Variants in SMAD3 observed in about 807,000 individuals in gnomAD.
SMAD3 encodes the protein SMAD family member 3.
In SMAD3, 12 loss-of-function variants were observed where a neutral mutation model predicts 51.8. The ratio of observed to expected loss-of-function variants is 0.23; its 90% confidence interval spans 0.15 to 0.38. SMAD3 has a LOEUF of 0.38. SMAD3 is among the 10% of genes least tolerant of loss of function. The pLI is 1.00. For synonymous variants in SMAD3, 238 were observed against 227.7 expected, an observed-to-expected ratio of 1.05 and a Z score of -0.41; for missense variants, 294 against 565.6, an observed-to-expected ratio of 0.52 and a Z score of 4.87.
At chr15:67,080,789 C>T (rs543009978) in intron 1 of SMAD3, among the ~76,000 whole-genome samples, 1 of 152,360 alleles carries the variant, frequency 6.6e-6, no homozygotes, top group South Asian at 2.1e-4. Context: ...CCGAATAACC[C>T]CTCCCTGCCA....
chr15:67,182,339 T>C (rs1963082811), intron 6 of SMAD3, among the ~76,000 whole-genome samples: 1 of 152,230 alleles, frequency 6.6e-6, no homozygotes, highest in Non-Finnish European at 1.5e-5. Flanking sequence ...TCACTTGGTT[T>C]GCTTATGAAG....
chr15:67,121,285 C>T (rs1451622398), intron 1 of SMAD3, among the ~76,000 whole-genome samples: 2 of 152,208 alleles, frequency 1.3e-5, no homozygotes, highest in African/African-American at 2.4e-5. Context: ...TGGGCTGTGA[C>T]GCAGGCTGGC....
At chr15:67,149,850 G>A (rs1282019562) in intron 1 of SMAD3, among the ~76,000 whole-genome samples, 1 of 152,166 alleles carries the variant, frequency 6.6e-6, no homozygotes, top group Non-Finnish European at 1.5e-5. Flanking sequence ...TGGAACGTTA[G>A]CAATTGCTGT....
chr15:67,098,049 G>T (rs1368291235), intron 1 of SMAD3, among the ~76,000 whole-genome samples: 1 of 152,174 alleles, frequency 6.6e-6, no homozygotes, highest in Non-Finnish European at 1.5e-5. Flanking sequence ...CTGTCAAATG[G>T]AGCATTCGTG....
At chr15:67,069,178 T>G (rs780623196) in intron 1 of SMAD3, among the ~76,000 whole-genome samples, 9 of 152,188 alleles carry the variant, frequency 5.9e-5, no homozygotes, top group Non-Finnish European at 8.8e-5. Context: ...TCTGACTTGT[T>G]TCAATTATCA....
intron 1 of SMAD3, among the ~76,000 whole-genome samples, chr15:67,094,281 G>A (rs1307160709): frequency 6.6e-6 from 1 of 152,234 alleles, no homozygotes; most frequent in African/African-American, 2.4e-5. Context: ...GGGAGGCGAA[G>A]CTTCTGGGAC....
chr15:67,106,956 T>G (rs1960892416), intron 1 of SMAD3, among the ~76,000 whole-genome samples: 1 of 152,124 alleles, frequency 6.6e-6, no homozygotes, highest in Non-Finnish European at 1.5e-5. Flanking sequence ...GGTTTAAAAC[T>G]CTGGTAGCTT....
At chr15:67,098,310 A>G (rs899044655) in intron 1 of SMAD3, among the ~76,000 whole-genome samples, 10 of 144,658 alleles carry the variant, frequency 6.9e-5, no homozygotes, top group African/African-American at 1.0e-4. Context: ...AAGACAGATT[A>G]AAAAAGAAGG....
intron 1 of SMAD3, among the ~76,000 whole-genome samples, chr15:67,085,901 T>C (rs2118614): frequency 0.17 from 4,974 of 28,454 alleles, 292 homozygotes; most frequent in African/African-American, 0.36. Context: ...CACACACACA[T>C]ACACAGAGAA....
intron 7 of SMAD3, among the ~76,000 whole-genome samples, chr15:67,186,077 T>A (rs938117321): frequency 2.0e-5 from 3 of 152,258 alleles, no homozygotes; most frequent in Admixed American, 2.0e-4. Flanking sequence ...CCTCACCAGT[T>A]ATTCTCTGGC....
At chr15:67,175,287 A>G (rs1962859660) in intron 5 of SMAD3, among the ~76,000 whole-genome samples, 1 of 152,164 alleles carries the variant, frequency 6.6e-6, no homozygotes, top group East Asian at 1.9e-4. Context: ...AAAGGAGGTG[A>G]TGGCTTCCAG....
chr15:67,186,223 T>C (rs1446669762), intron 7 of SMAD3, among the ~76,000 whole-genome samples: 1 of 152,232 alleles, frequency 6.6e-6, no homozygotes, highest in Non-Finnish European at 1.5e-5. Flanking sequence ...GCTCTTCTGC[T>C]TCTTGGCTCT....
At chr15:67,133,471 T>C (rs1961579995) in intron 1 of SMAD3, among the ~76,000 whole-genome samples, 1 of 151,960 alleles carries the variant, frequency 6.6e-6, no homozygotes, top group Non-Finnish European at 1.5e-5. Context: ...CTAAAAACAA[T>C]GAGAAGGCAA....
chr15:67,164,674 C>T (rs888489743), intron 1 of SMAD3, among the ~76,000 whole-genome samples: 4 of 152,200 alleles, frequency 2.6e-5, no homozygotes, highest in East Asian at 1.9e-4. Context: ...GGGTGAGGCC[C>T]GCTCTGCCAG....
At chr15:67,160,770 C>CAAAAAAAAAAAAAAAAAAAAA (rs547354315) in intron 1 of SMAD3, among the ~76,000 whole-genome samples, 2 of 61,002 alleles carry the variant, frequency 3.3e-5, no homozygotes, top group Non-Finnish European at 2.7e-5. Context: ...GACTCCATCT[C>CAAAAAAAAAAAAAAAAAAAAA]AAAAAAAAAA....
chr15:67,097,110 T>C (rs1168832531), intron 1 of SMAD3, among the ~76,000 whole-genome samples: 2 of 152,238 alleles, frequency 1.3e-5, no homozygotes, highest in African/African-American at 2.4e-5. Flanking sequence ...CTCAGTCTTT[T>C]GGTTGCAGTG....
chr15:67,091,141 C>T (rs1335629686), intron 1 of SMAD3, among the ~76,000 whole-genome samples: 1 of 152,218 alleles, frequency 6.6e-6, no homozygotes, highest in Non-Finnish European at 1.5e-5. Context: ...CCTGCCCTGC[C>T]CATGCCCTGG....
intron 1 of SMAD3, among the ~76,000 whole-genome samples, chr15:67,076,049 C>T (rs1413921037): frequency 1.3e-5 from 2 of 152,128 alleles, no homozygotes; most frequent in African/African-American, 2.4e-5. Context: ...TGATGTCCGT[C>T]GACTCCAATA....
chr15:67,166,594 G>C (rs1962595611), intron 3 of SMAD3, 185 bp from the exon 4 acceptor site: 1 of 662,452 alleles, frequency 1.5e-6, no homozygotes, highest in Non-Finnish European at 2.8e-6. Flanking sequence ...GATCCAAGCG[G>C]GAGTCAGAGG....
Sources: allele counts gnomAD v4.1 joint callset (sites outside exome capture counted in the v4.1 genomes callset), GRCh38; gene constraint gnomAD v4.1.1; transcripts MANE v1.5; gene names NCBI Gene and HGNC (gene_info 2026-07-23, HGNC 2026-07-21).